Variants in PRSS23 observed in about 807,000 individuals in gnomAD.
PRSS23 encodes serine protease 23, also known as protease, serine 23.
PRSS23 carries 25 observed loss-of-function variants against 34.7 expected under a neutral mutation model. That is an observed-to-expected ratio of 0.72 (90% CI 0.53 to 1.01). The LOEUF (loss-of-function observed/expected upper bound fraction) is 1.01. PRSS23 is among the 50% of genes least tolerant of loss of function. The probability of loss-of-function intolerance (pLI) is 0.00; values close to 1 mark genes in which losing one functional copy is unlikely to be tolerated. For synonymous variants in PRSS23, 176 were observed against 186.6 expected, an observed-to-expected ratio of 0.94 and a Z score of 0.46; for missense variants, 445 against 475.6, an observed-to-expected ratio of 0.94 and a Z score of 0.60.
chr11:86,817,551 A>G (rs1948223071), intron 1 of PRSS23, among the ~76,000 whole-genome samples: 1 of 152,192 alleles, frequency 6.6e-6, no homozygotes, highest in African/African-American at 2.4e-5. Flanking sequence ...GGTGGACCTG[A>G]ACACCAATTA....
In PRSS23 at chr11:86,809,573, A is replaced by T. The variant is rs1348903317; in HGVS notation, c.*778A>T. On this transcript the variant is annotated 3_prime_UTR_variant, in exon 2 of 2. Transcript: ENST00000280258. Reference sequence around the variant, plus strand: ...TATCCCAACCCTTCCATTTAACAGGATTTCACTCACATTTCTGGAACTAGC... The same window carrying T: ...TATCCCAACCCTTCCATTTAACAGGTTTTCACTCACATTTCTGGAACTAGC... 1 of 167,002 alleles carries T rather than the reference A, an allele frequency of 6.0e-6. No homozygotes were observed. The highest frequency in any genetic ancestry group is 1.5e-5 in the Non-Finnish European group (1 of 68,118). The allele number at this position is 167,002 out of a possible 1,614,324, so 10.3% of individuals were successfully genotyped here. A position where few individuals can be genotyped will look rare whatever the true frequency, so the allele number is the denominator to read the frequency against.
At chr11:86,848,310 G>A (rs1036513836) in intron 2 of PRSS23, among the ~76,000 whole-genome samples, 3 of 152,322 alleles carry the variant, frequency 2.0e-5, no homozygotes, top group South Asian at 2.1e-4. Context: ...TTTAGGGATC[G>A]ATAGTACCTT....
chr11:86,870,453 G>T (rs919859936), intron 2 of PRSS23, among the ~76,000 whole-genome samples: 1 of 152,112 alleles, frequency 6.6e-6, no homozygotes, highest in African/African-American at 2.4e-5. Flanking sequence ...TTCTCCTTTG[G>T]CAGAGATGGG....
intron 1 of PRSS23, 144 bp downstream of exon 1, chr11:86,800,795 T>TGGAACCC: frequency 3.1e-6 from 1 of 322,716 alleles, no homozygotes; most frequent in Non-Finnish European, 4.5e-6. Context: ...AGGGCAGTCC[T>TGGAACCC]CGGGGTTCCA....
intron 2 of PRSS23, among the ~76,000 whole-genome samples, chr11:86,898,956 G>A (rs1948893600): frequency 6.6e-6 from 1 of 152,180 alleles, no homozygotes; most frequent in African/African-American, 2.4e-5. Flanking sequence ...GGTATTCTGA[G>A]CACTAGGTCA....
intron 2 of PRSS23, chr11:86,940,922 C>T (rs753493618): frequency 2.0e-5 from 3 of 152,210 alleles, no homozygotes; most frequent in Non-Finnish European, 4.4e-5. Context: ...AGGTAACACA[C>T]CTACATAAAC....
At chr11:86,795,911 G>C (rs544147055), upstream of PRSS23, among the ~76,000 whole-genome samples, 2 of 152,258 alleles carry the variant, frequency 1.3e-5, no homozygotes, top group Admixed American at 6.5e-5. Flanking sequence ...GCTACATATG[G>C]ATCTTGGTCT....
chr11:86,797,279 A>C (rs771675226), upstream of PRSS23, among the ~76,000 whole-genome samples: 1 of 152,230 alleles, frequency 6.6e-6, no homozygotes, highest in Non-Finnish European at 1.5e-5. Context: ...AAGAAAAGCA[A>C]ACCTCTAATC....
chr11:86,856,324 T>TAAA (rs56199835), intron 2 of PRSS23, among the ~76,000 whole-genome samples: 17 of 145,908 alleles, frequency 1.2e-4, no homozygotes, highest in African/African-American at 3.5e-4. Context: ...TCTGGTGCTT[T>TAAA]AAAAAAAAAA....
chr11:86,921,557 G>T (rs1381435216), intron 2 of PRSS23: 12 of 152,144 alleles, frequency 7.9e-5, no homozygotes, highest in African/African-American at 2.9e-4. Context: ...ATTTTTAATT[G>T]TTTCTTGATA....
chr11:86,908,153 A>G (rs1056625150), intron 2 of PRSS23, among the ~76,000 whole-genome samples: 2 of 152,212 alleles, frequency 1.3e-5, no homozygotes, highest in African/African-American at 4.8e-5. Flanking sequence ...GCTATTGTGA[A>G]TAATGCTGCA....
upstream of PRSS23, among the ~76,000 whole-genome samples, chr11:86,796,513 CG>C (rs1349822004): frequency 6.6e-6 from 1 of 151,128 alleles, no homozygotes; most frequent in Admixed American, 6.6e-5. Context: ...TGGTAGCGGG[CG>C]CCTGTAGTCC....
At chr11:86,949,521 G>A (rs1949272220) in intron 2 of PRSS23, 1 of 152,174 alleles carries the variant, frequency 6.6e-6, no homozygotes, top group Non-Finnish European at 1.5e-5. Flanking sequence ...GTTACAAGGA[G>A]AGCAACCTGT....
intron 2 of PRSS23, among the ~76,000 whole-genome samples, chr11:86,878,688 G>T (rs1026605030): frequency 6.6e-6 from 1 of 151,932 alleles, no homozygotes; most frequent in African/African-American, 2.4e-5. Context: ...CTGCCACCCC[G>T]TCTGGGAAGT....
intron 2 of PRSS23, among the ~76,000 whole-genome samples, chr11:86,940,611 C>T (rs1303673644): frequency 1.3e-5 from 2 of 152,050 alleles, no homozygotes; most frequent in East Asian, 1.9e-4. Flanking sequence ...AAACTTTTGC[C>T]GACTCCCCTG....
At chr11:86,913,416 A>G (rs1158717101) in intron 2 of PRSS23, among the ~76,000 whole-genome samples, 1 of 148,836 alleles carries the variant, frequency 6.7e-6, no homozygotes, top group Non-Finnish European at 1.5e-5. Flanking sequence ...TTTTTTTTCA[A>G]TAGTCTACTG....
At chr11:86,803,069 C>G (rs1565348600) in intron 1 of PRSS23, among the ~76,000 whole-genome samples, 1 of 152,216 alleles carries the variant, frequency 6.6e-6, no homozygotes, top group Admixed American at 6.5e-5. Flanking sequence ...TTCCATTCTT[C>G]CCTGCCAGTT....
chr11:86,903,407 C>T (rs1279691881), intron 2 of PRSS23, among the ~76,000 whole-genome samples: 2 of 151,852 alleles, frequency 1.3e-5, no homozygotes, highest in Non-Finnish European at 2.9e-5. Flanking sequence ...GCCCACTGGT[C>T]ATTTACAACC....
At chr11:86,873,249 T>C (rs182282248) in intron 2 of PRSS23, among the ~76,000 whole-genome samples, 83 of 49,344 alleles carry the variant, frequency 1.7e-3, no homozygotes, top group Admixed American at 1.7e-3. Context: ...CACACACACA[T>C]ATATATGTAT....
Sources: gnomAD v4.1 joint callset for allele counts (sites outside exome capture counted in the v4.1 genomes callset) on GRCh38, gnomAD v4.1.1 for gene constraint, MANE v1.5 for transcripts, NCBI Gene and HGNC (gene_info 2026-07-23, HGNC 2026-07-21) for gene names.